The following PRH1 variants were observed in gnomAD, a reference collection of about 807,000 sequenced individuals.
PRH1 encodes proline rich protein HaeIII subfamily 1.
Under a neutral mutation model 7.9 loss-of-function variants are expected in PRH1, and 7 were observed. The observed-to-expected ratio is 0.89, with a 90% CI of 0.50 to 1.67. The LOEUF is 1.67. Ranked by LOEUF, PRH1 falls within the 40% of genes most tolerant of loss-of-function variation. The pLI, the probability that PRH1 is intolerant of heterozygous loss-of-function variation, is 0.00. For synonymous variants in PRH1, 45 were observed against 80.8 expected (o/e 0.56, Z 2.38); for missense variants, 109 against 223.6 (o/e 0.49, Z 3.27).
rs181194412 is a variant in PRH1, at chr12:10,954,533, T to A, written c.-59+19122A>T. On this transcript the variant is annotated intron_variant, in intron 2 of 3. Coordinates refer to the PRH1 transcript ENST00000539853. ...CCCAGGCCATAGTGCAGTGGCGCAA[T>A]CTCAGCCTACCACAACCTCTACCTC... is the stretch of plus-strand genomic sequence containing the variant. Among the ~76,000 whole-genome samples the A allele has an allele frequency of 4.4e-4, 67 of 152,314 alleles. No individual in the cohort carries two copies. The East Asian group carries it at 7.7e-3, about 18-fold the overall frequency.
At chr12:11,011,108 G>A (rs1029004938) in intron 1 of PRH1, among the ~76,000 whole-genome samples, 6 of 152,088 alleles carry the variant, frequency 3.9e-5, no homozygotes, top group East Asian at 1.9e-4. Flanking sequence ...TTTAACGTAG[G>A]TGTCCACAGG....
chr12:10,931,730 A>ATACT (rs1219193632), intron 2 of PRH1, among the ~76,000 whole-genome samples: 1 of 151,912 alleles, frequency 6.6e-6, no homozygotes, highest in Non-Finnish European at 1.5e-5. Flanking sequence ...ACCACACTTT[A>ATACT]TATTCAGTTC....
intron 1 of PRH1, among the ~76,000 whole-genome samples, chr12:10,981,233 G>A (rs564805523): frequency 3.9e-5 from 6 of 152,100 alleles, no homozygotes; most frequent in African/African-American, 1.2e-4. Context: ...CCAGAAAACA[G>A]TCCTCAGAGA....
chr12:11,134,213 A>G (rs1255235088), intron 1 of PRH1: 5 of 1,613,234 alleles, frequency 3.1e-6, no homozygotes, highest in African/African-American at 2.7e-5. Context: ...CACTATTAGA[A>G]TGGAAAAAAT....
chr12:11,150,579 C>A (rs1241202810), intron 1 of PRH1, among the ~76,000 whole-genome samples: 3 of 151,986 alleles, frequency 2.0e-5, no homozygotes, highest in Non-Finnish European at 4.4e-5. Flanking sequence ...GACAAAAAAC[C>A]AAACACTGCA....
chr12:11,003,593 CTT>C (rs1283301671), intron 1 of PRH1, among the ~76,000 whole-genome samples: 1 of 151,266 alleles, frequency 6.6e-6, no homozygotes, highest in African/African-American at 2.4e-5. Context: ...ATTATAAAAA[CTT>C]AAAATAAAAT....
chr12:11,047,257 A>G (rs35304582), upstream of PRH1: 66,792 of 300,028 alleles, frequency 0.22, 7,665 homozygotes, highest in Non-Finnish European at 0.24. Context: ...CCCACCCACA[A>G]TGAAACATAT....
chr12:11,081,622 ACT>A (rs1454662660), intron 1 of PRH1, among the ~76,000 whole-genome samples: 2 of 116,262 alleles, frequency 1.7e-5, no homozygotes, highest in African/African-American at 2.9e-5. Context: ...ATCACCACAA[ACT>A]CTGCTAACAG....
At chr12:11,104,692 T>C (rs1945360320) in intron 1 of PRH1, among the ~76,000 whole-genome samples, 1 of 141,402 alleles carries the variant, frequency 7.1e-6, no homozygotes, top group Non-Finnish European at 1.6e-5. Context: ...TGTAAATACT[T>C]GATCTTAGGA....
downstream of PRH1, among the ~76,000 whole-genome samples, chr12:11,117,664 ATACT>A (rs1252435376): frequency 6.6e-6 from 1 of 152,222 alleles, no homozygotes; most frequent in Non-Finnish European, 1.5e-5. Flanking sequence ...ACTTCATATG[ATACT>A]TACTACTGAG....
intron 2 of PRH1, among the ~76,000 whole-genome samples, chr12:10,927,838 G>T (rs537969194): frequency 1.3e-5 from 2 of 152,354 alleles, no homozygotes; most frequent in African/African-American, 4.8e-5. Context: ...GTCTGAAATG[G>T]AAAGTGCAGC....
chr12:11,026,519 G>T (rs986961963), intron 1 of PRH1, among the ~76,000 whole-genome samples: 2 of 151,634 alleles, frequency 1.3e-5, no homozygotes, highest in African/African-American at 4.8e-5. Flanking sequence ...CAGGACCAAA[G>T]GGAAGCCTCT....
intron 1 of PRH1, among the ~76,000 whole-genome samples, chr12:11,029,462 TC>T (rs1942078533): frequency 6.6e-6 from 1 of 152,254 alleles, no homozygotes; most frequent in Non-Finnish European, 1.5e-5. Flanking sequence ...GGATTTGAGT[TC>T]TCTTATCTGA....
intron 1 of PRH1, chr12:11,133,860 C>G (rs756309845): frequency 6.2e-6 from 10 of 1,604,622 alleles, no homozygotes; most frequent in Non-Finnish European, 8.5e-6. Context: ...ATCACCAGAA[C>G]AACACTCTTA....
At chr12:10,901,251 T>G (rs1335027093) in intron 2 of PRH1, among the ~76,000 whole-genome samples, 1 of 152,176 alleles carries the variant, frequency 6.6e-6, no homozygotes, top group Non-Finnish European at 1.5e-5. Context: ...TGCAGAAATC[T>G]TGGTTGGTGG....
At chr12:11,020,895 A>T (rs1232264461) in intron 1 of PRH1, among the ~76,000 whole-genome samples, 1 of 152,182 alleles carries the variant, frequency 6.6e-6, no homozygotes, top group Non-Finnish European at 1.5e-5. Context: ...ACTTCACAAA[A>T]GGTTTCCTTT....
intron 2 of PRH1, among the ~76,000 whole-genome samples, chr12:10,919,850 T>G (rs1234264628): frequency 6.6e-6 from 1 of 151,838 alleles, no homozygotes; most frequent in Non-Finnish European, 1.5e-5. Context: ...TTTTTAATAA[T>G]TTTTTTGAGA....
chr12:11,047,611 C>G (rs980817005), upstream of PRH1, among the ~76,000 whole-genome samples: 1 of 126,776 alleles, frequency 7.9e-6, no homozygotes, highest in Middle Eastern at 4.7e-3. Flanking sequence ...GTATCATGAT[C>G]ATGTATCTTC....
chr12:11,126,479 A>G (rs78667476), intron 1 of PRH1, among the ~76,000 whole-genome samples: 2,974 of 120,000 alleles, frequency 0.025, no homozygotes, highest in Admixed American at 0.026. Context: ...GCTGTATAGT[A>G]TTCTATTGTA....
Sources: allele counts gnomAD v4.1 joint callset (sites outside exome capture counted in the v4.1 genomes callset), GRCh38; gene constraint gnomAD v4.1.1; transcripts MANE v1.5; gene names NCBI Gene and HGNC (gene_info 2026-07-23, HGNC 2026-07-21).